Variants in TSHR observed in about 807,000 individuals in gnomAD.
The protein encoded by TSHR is thyroid stimulating hormone receptor.
Under a neutral mutation model 64.1 loss-of-function variants are expected in TSHR, and 51 were observed. That is an observed-to-expected ratio of 0.80 (90% CI 0.64 to 1.01). TSHR has a LOEUF of 1.01. Among genes scored for constraint, TSHR ranks in the 50% least tolerant of loss-of-function variants. The pLI is 0.00. For synonymous variants in TSHR, 361 were observed against 361.9 expected (o/e 1.00, Z 0.03); for missense variants, 877 against 942.8 (o/e 0.93, Z 0.91).
chr14:81,068,146 T>C (rs1275045299), intron 2 of TSHR, 108 bp from the exon 3 acceptor site: 3 of 1,008,028 alleles, frequency 3.0e-6, no homozygotes, highest in African/African-American at 1.6e-5. Flanking sequence ...GTTGTACATG[T>C]TGCATGATCT....
chr14:81,002,148 T>A (rs1869114676), intron 1 of TSHR, among the ~76,000 whole-genome samples: 2 of 152,186 alleles, frequency 1.3e-5, no homozygotes, highest in Admixed American at 6.5e-5. Flanking sequence ...ACAGCCCCAG[T>A]TCCTGCTTGA....
intron 1 of TSHR, among the ~76,000 whole-genome samples, chr14:81,046,590 C>T (rs190383781): frequency 2.6e-3 from 392 of 151,032 alleles, no homozygotes; most frequent in Middle Eastern, 7.0e-3. Flanking sequence ...CTATCTTATA[C>T]GTAATTGGAG....
intron 3 of TSHR, among the ~76,000 whole-genome samples, chr14:81,073,156 T>C (rs192226866): frequency 6.7e-6 from 1 of 149,830 alleles, no homozygotes; most frequent in African/African-American, 2.4e-5. Flanking sequence ...AATTACTATA[T>C]AAGATATAGT....
intron 4 of TSHR, 82 bp downstream of exon 4, chr14:81,088,110 T>A: frequency 8.9e-7 from 1 of 1,121,776 alleles, no homozygotes; most frequent in Non-Finnish European, 1.4e-6. Context: ...GGAATCTCCC[T>A]AGATGATGTG....
At chr14:80,972,532 A>G (rs1222757616) in intron 1 of TSHR, among the ~76,000 whole-genome samples, 3 of 152,216 alleles carry the variant, frequency 2.0e-5, no homozygotes, top group Admixed American at 6.5e-5. Context: ...AGCTCCTTCT[A>G]CTATTCCATA....
chr14:81,006,954 CATT>C (rs1266485272), intron 1 of TSHR, among the ~76,000 whole-genome samples: 6 of 152,184 alleles, frequency 3.9e-5, no homozygotes, highest in African/African-American at 1.4e-4. Context: ...AATATTGATA[CATT>C]ATTATTAACT....
intron 7 of TSHR, among the ~76,000 whole-genome samples, chr14:81,098,701 G>T (rs1199470737): frequency 6.6e-6 from 1 of 152,158 alleles, no homozygotes; most frequent in African/African-American, 2.4e-5. Flanking sequence ...ATTAGCAGGG[G>T]CAGGGATAGG....
rs1354026125 is a variant in TSHR at position 80,982,020 on chromosome 14, G to A, written c.170+26170G>A. ...GGACTAAGAATAAGACAAGAGGCCAGGCCAAAGCGGAAAAGAGTCTGCTAT... is the reference window on the plus strand; with the variant it reads ...GGACTAAGAATAAGACAAGAGGCCAAGCCAAAGCGGAAAAGAGTCTGCTAT... On this transcript the variant is annotated intron_variant, in intron 1 of 9. Coordinates refer to ENST00000298171, the MANE Select transcript of TSHR (RefSeq NM_000369.5). 7 of 400,104 alleles carry A rather than the reference G, an allele frequency of 1.7e-5. No homozygotes were observed. In the Admixed American group the frequency reaches 2.0e-4, roughly 12 times the overall value. The allele number at this position is 400,104 out of a possible 1,614,324, so 24.8% of individuals were successfully genotyped here.
intron 3 of TSHR, 68 bp from the exon 4 acceptor site, chr14:81,087,886 T>C (rs765819508): frequency 2.5e-6 from 3 of 1,211,924 alleles, no homozygotes; most frequent in Non-Finnish European, 3.7e-6. Context: ...CTGATTTATG[T>C]TGTTTTGTCT....
At chr14:81,060,315 G>A (rs1474014650) in intron 1 of TSHR, among the ~76,000 whole-genome samples, 1 of 152,096 alleles carries the variant, frequency 6.6e-6, no homozygotes, top group Non-Finnish European at 1.5e-5. Context: ...ATTTTACACA[G>A]AGATTTTGGT....
rs1271370001 is a variant in TSHR at position 81,143,343 on chromosome 14, C to T, written c.1285C>T (p.Leu429Phe). The T allele has an allele frequency of 6.2e-7, 1 of 1,614,190 alleles. No homozygotes were observed. The highest frequency in any genetic ancestry group is 1.6e-4 in the Middle Eastern group (1 of 6,062). Reference sequence around the variant, plus strand: ...GGTGTGGTTCGTTAGTCTGCTGGCTCTCCTGGGCAATGTCTTTGTCCTGCT... The same window carrying T: ...GGTGTGGTTCGTTAGTCTGCTGGCTTTCCTGGGCAATGTCTTTGTCCTGCT... Reference protein sequence around the residue: ...IVVWFVSLLALLGNVFVLLIL... With the variant: ...IVVWFVSLLAFLGNVFVLLIL... The change falls in exon 10 of 10, where the codon CTC becomes TTC. Residue 429 changes from leucine to phenylalanine, a missense_variant. By Grantham distance (22) the Leu-to-Phe change is conservative (BLOSUM62 0). Coordinates refer to ENST00000298171, the MANE Select transcript of TSHR (RefSeq NM_000369.5).
At chr14:80,999,360 A>G (rs1239046229) in intron 1 of TSHR, among the ~76,000 whole-genome samples, 1 of 152,136 alleles carries the variant, frequency 6.6e-6, no homozygotes, top group East Asian at 1.9e-4. Context: ...TTCACCACTA[A>G]CAAGTCTTTT....
intron 8 of TSHR, among the ~76,000 whole-genome samples, chr14:81,120,682 T>G (rs1890754532): frequency 6.6e-6 from 1 of 152,184 alleles, no homozygotes; most frequent in African/African-American, 2.4e-5. Context: ...ATTGCCTAAT[T>G]GTTCTAACTA....
chr14:81,038,274 T>G (rs536160303), intron 1 of TSHR, among the ~76,000 whole-genome samples: 1 of 151,928 alleles, frequency 6.6e-6, no homozygotes, highest in Admixed American at 6.6e-5. Flanking sequence ...AATTTAAAAT[T>G]TCTTGAAACA....
chr14:81,093,746 G>C (rs1888940352), intron 6 of TSHR: 1 of 152,176 alleles, frequency 6.6e-6, no homozygotes, highest in Non-Finnish European at 1.5e-5. Flanking sequence ...CCCTTGAAAA[G>C]ACAAAGGAGG....
intron 1 of TSHR, among the ~76,000 whole-genome samples, chr14:81,060,911 A>T (rs1309635576): frequency 6.6e-6 from 1 of 152,170 alleles, no homozygotes; most frequent in Admixed American, 6.6e-5. Flanking sequence ...AACTCAAAAA[A>T]TGGAGTGCCT....
chr14:80,982,452 TG>T, intron 1 of TSHR: 1 of 1,158,508 alleles, frequency 8.6e-7, no homozygotes, highest in Non-Finnish European at 1.2e-6. Context: ...AGCCTGTGAC[TG>T]GGGCCAGTTG....
intron 8 of TSHR, among the ~76,000 whole-genome samples, chr14:81,109,352 C>T (rs922743707): frequency 6.6e-6 from 1 of 151,724 alleles, no homozygotes; most frequent in Non-Finnish European, 1.5e-5. Context: ...GAGCTTGCAG[C>T]GAGCCCAGAT....
At chr14:81,092,294 C>A (rs974536668) in intron 5 of TSHR, among the ~76,000 whole-genome samples, 1 of 152,184 alleles carries the variant, frequency 6.6e-6, no homozygotes, top group South Asian at 2.1e-4. Flanking sequence ...CCTCCACCCA[C>A]ACCTAAAGCT....
Sources: allele counts gnomAD v4.1 joint callset (sites outside exome capture counted in the v4.1 genomes callset), GRCh38; gene constraint gnomAD v4.1.1; transcripts MANE v1.5; gene names NCBI Gene and HGNC (gene_info 2026-07-23, HGNC 2026-07-21).